Variants in AKAP6 observed in about 807,000 individuals in gnomAD.
The protein encoded by AKAP6 is A-kinase anchoring protein 6.
Under a neutral mutation model 188.5 loss-of-function variants are expected in AKAP6, and 58 were observed. The observed-to-expected ratio is 0.31, with a 90% CI of 0.25 to 0.38. AKAP6 has a LOEUF of 0.38. AKAP6 is among the 10% of genes least tolerant of loss of function. The probability of loss-of-function intolerance (pLI) is 1.00; values close to 1 mark genes in which losing one functional copy is unlikely to be tolerated. For missense variants in AKAP6, 2,710 were observed against 2,740.0 expected (o/e 0.99, Z 0.24); for synonymous variants, 989 against 998.6 (o/e 0.99, Z 0.18).
In AKAP6 at chr14:32,443,407, C is replaced by CA. The variant is rs1181256636; in HGVS notation, c.324+9600dup. On this transcript the variant is annotated intron_variant, in intron 2 of 13. Transcript: ENST00000280979. Reference sequence around the variant, plus strand: ...GACTCCATCTCAAAACAAAACAAAACAAAAAAAAAACAAAAAAACAAAAAA... The same window carrying CA: ...GACTCCATCTCAAAACAAAACAAAACAAAAAAAAAAACAAAAAAACAAAAAA... 3.9e-3 allele frequency among the ~76,000 whole-genome samples: 530 copies of CA among 136,208 alleles called. 9 individuals are homozygous for CA. The highest frequency in any genetic ancestry group is 0.014 in the Middle Eastern group (4 of 278). 89.4% of individuals were successfully genotyped at this position (136,208 alleles called of 152,430 possible).
intron 9 of AKAP6, among the ~76,000 whole-genome samples, chr14:32,707,463 T>C (rs542678700): frequency 3.9e-5 from 6 of 152,216 alleles, no homozygotes; most frequent in Admixed American, 3.3e-4. Context: ...TGAATACTTG[T>C]TTATTAGTTA....
chr14:32,700,669 A>T (rs191897772), intron 9 of AKAP6, among the ~76,000 whole-genome samples: 199 of 152,304 alleles, frequency 1.3e-3, no homozygotes, highest in African/African-American at 4.4e-3. Context: ...CATGCTGTAC[A>T]GGTTTGTAGC....
At chr14:32,353,079 G>A (rs1887346923) in intron 1 of AKAP6, among the ~76,000 whole-genome samples, 1 of 151,294 alleles carries the variant, frequency 6.6e-6, no homozygotes, top group Admixed American at 6.6e-5. Flanking sequence ...TTTGATAATA[G>A]CCATTCTAGT....
intron 1 of AKAP6, among the ~76,000 whole-genome samples, chr14:32,411,248 A>G (rs943622671): frequency 6.6e-6 from 1 of 152,044 alleles, no homozygotes; most frequent in Non-Finnish European, 1.5e-5. Flanking sequence ...GAAAGTGCCA[A>G]GATTGAGAAA....
chr14:32,678,172 C>T (rs1889513792), intron 7 of AKAP6, 139 bp from the exon 8 acceptor site: 1 of 802,842 alleles, frequency 1.2e-6, no homozygotes, highest in South Asian at 2.4e-5. Context: ...GTAATATGCC[C>T]AACTGATCCC....
intron 1 of AKAP6, among the ~76,000 whole-genome samples, chr14:32,422,479 C>G (rs1039096922): frequency 6.6e-6 from 1 of 152,158 alleles, no homozygotes; most frequent in East Asian, 1.9e-4. Context: ...CTTCCAGGCC[C>G]TCAGGGATGT....
intron 2 of AKAP6, among the ~76,000 whole-genome samples, chr14:32,504,594 A>AT (rs1037603951): frequency 6.6e-6 from 1 of 152,108 alleles, no homozygotes; most frequent in South Asian, 2.1e-4. Flanking sequence ...GGAGATATTA[A>AT]TTTTTTATTC....
In AKAP6 at chr14:32,703,724, T is replaced by C. The variant is rs144911397; in HGVS notation, c.3000+7614T>C. ...AATGATTGTATTCAGCCTTTTGGAA[T>C]CTACTAAGAACTCTGAGTTCAATGA... On this transcript the variant is annotated intron_variant, in intron 9 of 13. Transcript: ENST00000280979. Among the ~76,000 whole-genome samples the C allele has an allele frequency of 2.0e-5, 3 of 152,316 alleles. No individual in the cohort carries two copies. The East Asian group carries it at 5.8e-4, about 29-fold the overall frequency.
chr14:32,817,924 G>T (rs992327905), intron 12 of AKAP6, among the ~76,000 whole-genome samples: 1 of 151,942 alleles, frequency 6.6e-6, no homozygotes, highest in African/African-American at 2.4e-5. Context: ...TTCCCAAAGA[G>T]AACTTTTTTA....
At chr14:32,334,441 T>C (rs971449268) in intron 1 of AKAP6, among the ~76,000 whole-genome samples, 5 of 152,182 alleles carry the variant, frequency 3.3e-5, no homozygotes, top group South Asian at 2.1e-4. Flanking sequence ...GCTATCATAA[T>C]GCCCATGTTC....
At chr14:32,577,372 G>A (rs1884776070) in intron 5 of AKAP6, 130 bp downstream of exon 5, 3 of 1,165,592 alleles carry the variant, frequency 2.6e-6, no homozygotes, top group South Asian at 3.1e-5. Flanking sequence ...ATTTTAATGG[G>A]TCACAGAAGA....
At chr14:32,442,329 A>C (rs776674255) in intron 2 of AKAP6, 4 of 152,214 alleles carry the variant, frequency 2.6e-5, no homozygotes, top group Non-Finnish European at 4.4e-5. Flanking sequence ...GCTATAAAGC[A>C]TAATAGTTCC....
chr14:32,335,639 C>T (rs1245501020), intron 1 of AKAP6, among the ~76,000 whole-genome samples: 6 of 152,232 alleles, frequency 3.9e-5, no homozygotes, highest in Non-Finnish European at 8.8e-5. Flanking sequence ...TTTGTCACCA[C>T]CATTGCTTTC....
intron 1 of AKAP6, among the ~76,000 whole-genome samples, chr14:32,429,278 A>G (rs965385749): frequency 2.0e-5 from 3 of 152,214 alleles, no homozygotes; most frequent in Non-Finnish European, 2.9e-5. Context: ...CAAATCTTAT[A>G]TTATTTACAG....
intron 7 of AKAP6, among the ~76,000 whole-genome samples, chr14:32,665,861 A>G (rs1184580395): frequency 6.6e-6 from 1 of 152,170 alleles, no homozygotes; most frequent in Non-Finnish European, 1.5e-5. Context: ...TTTGGTATGA[A>G]TTAGTATATC....
At chr14:32,431,009 G>T (rs1227003465) in intron 1 of AKAP6, among the ~76,000 whole-genome samples, 1 of 152,018 alleles carries the variant, frequency 6.6e-6, no homozygotes, top group African/African-American at 2.4e-5. Context: ...GGGGGTTGAG[G>T]CAGGAGAATG....
At chr14:32,499,913 T>G (rs1206403819) in intron 2 of AKAP6, among the ~76,000 whole-genome samples, 1 of 152,094 alleles carries the variant, frequency 6.6e-6, no homozygotes, top group African/African-American at 2.4e-5. Context: ...TAGAACTTGT[T>G]AAATATGTAC....
intron 7 of AKAP6, among the ~76,000 whole-genome samples, chr14:32,619,435 T>G (rs1241287281): frequency 2.0e-5 from 3 of 152,078 alleles, no homozygotes; most frequent in Non-Finnish European, 4.4e-5. Flanking sequence ...GTGTGTTCTT[T>G]CTCCAATTTA....
rs559677144 is a variant in AKAP6 at position 32,376,792 on chromosome 14, A to C, written c.-35+47384A>C. On this transcript the variant is annotated intron_variant, in intron 1 of 13. Transcript: ENST00000280979. Reference sequence around the variant, plus strand: ...GCTCACTACAACTTCCGCCTCCTGGATTCAAGTGATTCTCCTGCCTCAGCC... The same window carrying C: ...GCTCACTACAACTTCCGCCTCCTGGCTTCAAGTGATTCTCCTGCCTCAGCC... 1.3e-4 allele frequency among the ~76,000 whole-genome samples: 20 copies of C among 152,158 alleles called. 1 individual carries two copies. In the South Asian group the frequency reaches 4.2e-3, roughly 32 times the overall value.
Sources: gnomAD v4.1 joint callset for allele counts (sites outside exome capture counted in the v4.1 genomes callset) on GRCh38, gnomAD v4.1.1 for gene constraint, MANE v1.5 for transcripts, NCBI Gene and HGNC (gene_info 2026-07-23, HGNC 2026-07-21) for gene names.